SEMA3A: variants seen among roughly 807,000 people sequenced by gnomAD.
The protein encoded by SEMA3A is semaphorin 3A.
SEMA3A carries 29 observed loss-of-function variants against 97.9 expected under a neutral mutation model. The ratio of observed to expected loss-of-function variants is 0.30; its 90% CI spans 0.22 to 0.40. The LOEUF is 0.40. SEMA3A is among the 10% of genes least tolerant of loss of function. The pLI, the probability that SEMA3A is intolerant of heterozygous loss-of-function variation, is 1.00. For synonymous variants in SEMA3A, 321 were observed against 323.7 expected, an observed-to-expected ratio of 0.99 and a Z score of 0.09; for missense variants, 763 against 951.3, an observed-to-expected ratio of 0.80 and a Z score of 2.60.
At chr7:84,460,287 T>C (rs990605732) in intron 1 of SEMA3A, among the ~76,000 whole-genome samples, 1 of 152,096 alleles carries the variant, frequency 6.6e-6, no homozygotes, top group African/African-American at 2.4e-5. Flanking sequence ...TCTGTTTTCC[T>C]AACATATTCA....
intron 3 of SEMA3A, among the ~76,000 whole-genome samples, chr7:84,205,059 T>C (rs1483298408): frequency 6.6e-6 from 1 of 152,194 alleles, no homozygotes; most frequent in Non-Finnish European, 1.5e-5. Context: ...ATAACCTAAG[T>C]CACAAACTGC....
chr7:84,184,805 A>C (rs2116247715), intron 1 of SEMA3A, among the ~76,000 whole-genome samples: 1 of 152,280 alleles, frequency 6.6e-6, no homozygotes, highest in Admixed American at 6.5e-5. Context: ...GAGCCAATAT[A>C]ATGAGGAGGC....
intron 4 of SEMA3A, among the ~76,000 whole-genome samples, chr7:84,063,439 GAGA>G (rs1395383790): frequency 6.6e-6 from 1 of 151,408 alleles, no homozygotes; most frequent in African/African-American, 2.4e-5. Flanking sequence ...GACGAGCTGA[GAGA>G]AGAAGGCTTC....
intron 13 of SEMA3A, among the ~76,000 whole-genome samples, chr7:83,982,142 G>A (rs1269633725): frequency 6.6e-6 from 1 of 152,006 alleles, no homozygotes; most frequent in Admixed American, 6.6e-5. Flanking sequence ...TGTGGAAAAA[G>A]CATAGGGTTG....
chr7:84,286,147 C>T (rs1414802276), intron 3 of SEMA3A, among the ~76,000 whole-genome samples: 1 of 152,010 alleles, frequency 6.6e-6, no homozygotes, highest in African/African-American at 2.4e-5. Flanking sequence ...CTTTCTATCT[C>T]AACTTTAAAA....
At chr7:84,358,744 C>T (rs561899845) in intron 2 of SEMA3A, among the ~76,000 whole-genome samples, 10 of 152,188 alleles carry the variant, frequency 6.6e-5, no homozygotes, top group South Asian at 2.1e-4. Context: ...ACCATTTTCA[C>T]GATATTGATT....
rs112480046 is a variant in SEMA3A at position 84,303,661 on chromosome 7, C to T, written c.-83+3546G>A. ...TGATGCAGAAGTGATAGACATTCAA[C>T]AGAAACTGTACTTGGAATACCCATA... On this transcript the variant is annotated intron_variant, in intron 3 of 3. Transcript: ENST00000424555. 3.9e-5 allele frequency among the ~76,000 whole-genome samples: 6 copies of T among 152,148 alleles called. 1 individual carries two copies. Among genetic ancestry groups the T allele is most frequent in the South Asian group, 2.1e-4 (1 of 4,818 alleles).
intron 1 of SEMA3A, among the ~76,000 whole-genome samples, chr7:84,166,901 A>T (rs75441291): frequency 2.2e-5 from 3 of 134,782 alleles, no homozygotes; most frequent in Non-Finnish European, 4.9e-5. Context: ...AAAAAAAAAA[A>T]AGAAGCTGAG....
chr7:84,318,270 C>A (rs1801559330), intron 2 of SEMA3A, among the ~76,000 whole-genome samples: 1 of 150,066 alleles, frequency 6.7e-6, no homozygotes, highest in South Asian at 2.1e-4. Flanking sequence ...ATAAGGAAAC[C>A]ATTAAACGTT....
intron 3 of SEMA3A, among the ~76,000 whole-genome samples, chr7:84,305,785 C>G (rs1801139641): frequency 6.6e-6 from 1 of 151,898 alleles, no homozygotes; most frequent in South Asian, 2.1e-4. Flanking sequence ...TTATTATTTA[C>G]TGAAAAAGTA....
At chr7:84,113,630 T>C (rs1275068950) in intron 3 of SEMA3A, among the ~76,000 whole-genome samples, 1 of 152,138 alleles carries the variant, frequency 6.6e-6, no homozygotes, top group African/African-American at 2.4e-5. Context: ...GTGGAATCAG[T>C]TCAAAATGAA....
chr7:84,164,834 G>C (rs575785825), intron 1 of SEMA3A, among the ~76,000 whole-genome samples: 2 of 152,114 alleles, frequency 1.3e-5, no homozygotes, highest in African/African-American at 4.8e-5. Flanking sequence ...ATTAGTCCCA[G>C]GTGACAAAGA....
rs369324691 is a variant in SEMA3A, at chr7:84,446,920, C to T, written c.-246+45540G>A. Among the ~76,000 whole-genome samples, 11 of 152,142 alleles carry T rather than the reference C, an allele frequency of 7.2e-5. 2 individuals carry two copies. The highest frequency in any genetic ancestry group is 1.9e-4 in the East Asian group (1 of 5,130). On this transcript the variant is annotated intron_variant, in intron 1 of 3. Coordinates refer to the SEMA3A transcript ENST00000424555. The stretch of plus-strand genomic sequence containing the variant: ...TTTTAAGTGGGTGGGGCAGGAGCCC[C>T]GCACTCTTGGCTGCAGCTGCAGCTG...
rs566586714 is a variant in SEMA3A, at chr7:84,133,821, C to T, written c.270+973G>A. ...ATCCCAGCACTTTGAGAGGCCAAGG[C>T]GGGCGGATCACTTGATCAGGAGATC... On this transcript the variant is annotated intron_variant, in intron 2 of 16. Coordinates refer to ENST00000265362, the MANE Select transcript of SEMA3A (RefSeq NM_006080.3). Among the ~76,000 whole-genome samples, 13 of 144,480 alleles carry T rather than the reference C, an allele frequency of 9.0e-5. No homozygotes were observed. The South Asian group carries it at 1.5e-3, about 17-fold the overall frequency. 94.8% of individuals were successfully genotyped at this position (144,480 alleles called of 152,430 possible).
At chr7:84,051,285 A>G (rs1364902053) in intron 5 of SEMA3A, among the ~76,000 whole-genome samples, 2 of 152,122 alleles carry the variant, frequency 1.3e-5, no homozygotes, top group South Asian at 2.1e-4. Context: ...CATTGAATCT[A>G]TAAATTACCT....
At chr7:84,486,065 G>A (rs751791244) in intron 1 of SEMA3A, among the ~76,000 whole-genome samples, 3 of 152,086 alleles carry the variant, frequency 2.0e-5, no homozygotes, top group Non-Finnish European at 4.4e-5. Context: ...AATCTAAAGG[G>A]GAAAATAGGC....
chr7:84,163,426 TA>T (rs561461273), intron 1 of SEMA3A, among the ~76,000 whole-genome samples: 10 of 152,140 alleles, frequency 6.6e-5, no homozygotes, highest in Non-Finnish European at 1.2e-4. Context: ...CCTTATGTTA[TA>T]TGAATATTTG....
chr7:84,094,309 T>C (rs1313940146), intron 4 of SEMA3A, among the ~76,000 whole-genome samples: 1 of 146,958 alleles, frequency 6.8e-6, no homozygotes, highest in Non-Finnish European at 1.5e-5. Context: ...TCTCCCTACA[T>C]CTAAGATCTT....
At chr7:83,967,584 A>C (rs1302808325) in intron 15 of SEMA3A, among the ~76,000 whole-genome samples, 1 of 151,974 alleles carries the variant, frequency 6.6e-6, no homozygotes, top group Non-Finnish European at 1.5e-5. Context: ...GTGAAACCCC[A>C]TTTCTACAAA....
Sources: gnomAD v4.1 joint callset for allele counts (sites outside exome capture counted in the v4.1 genomes callset) on GRCh38, gnomAD v4.1.1 for gene constraint, MANE v1.5 for transcripts, NCBI Gene and HGNC (gene_info 2026-07-23, HGNC 2026-07-21) for gene names.